The following BRAF variants were observed in gnomAD, a reference collection of about 807,000 sequenced individuals.
The protein encoded by BRAF is serine/threonine-protein kinase B-raf.
A neutral mutation model predicts 104.6 loss-of-function variants in BRAF; 16 were observed. The ratio of observed to expected loss-of-function variants is 0.15; its 90% CI spans 0.10 to 0.23. The LOEUF (loss-of-function observed/expected upper bound fraction) is 0.23. BRAF is among the 10% of genes least tolerant of loss of function. BRAF has a pLI of 1.00. For synonymous variants in BRAF, 310 were observed against 341.6 expected, an observed-to-expected ratio of 0.91 and a Z score of 1.02; for missense variants, 541 against 937.3, an observed-to-expected ratio of 0.58 and a Z score of 5.52.
chr7:140,841,217 T>TA (rs1326722228), intron 2 of BRAF, among the ~76,000 whole-genome samples: 1 of 152,012 alleles, frequency 6.6e-6, no homozygotes, highest in Non-Finnish European at 1.5e-5. Flanking sequence ...TGGCTTTAAT[T>TA]AAAAAAACAA....
At chr7:140,807,895 TA>T in intron 5 of BRAF, 64 bp downstream of exon 5, 2 of 1,331,280 alleles carry the variant, frequency 1.5e-6, no homozygotes, top group South Asian at 1.2e-5. Context: ...ATTCCCTAAA[TA>T]AAAATTCATT....
At chr7:140,862,814 A>G (rs930111723) in intron 1 of BRAF, among the ~76,000 whole-genome samples, 1 of 152,116 alleles carries the variant, frequency 6.6e-6, no homozygotes, top group Non-Finnish European at 1.5e-5. Flanking sequence ...TGGCTATACA[A>G]CTCTATGAAT....
intron 14 of BRAF, among the ~76,000 whole-genome samples, chr7:140,762,676 A>G (rs1798870302): frequency 6.8e-6 from 1 of 146,948 alleles, no homozygotes; most frequent in Non-Finnish European, 1.5e-5. Context: ...GCAGGGTCAT[A>G]GGACAATAGT....
chr7:140,830,588 A>G (rs1386931212), intron 3 of BRAF, among the ~76,000 whole-genome samples: 1 of 152,160 alleles, frequency 6.6e-6, no homozygotes, highest in Non-Finnish European at 1.5e-5. Flanking sequence ...GGGTTCCTGA[A>G]TGGAAGGTGG....
At chr7:140,915,432 CTTT>C (rs1014572413) in intron 1 of BRAF, among the ~76,000 whole-genome samples, 10 of 141,660 alleles carry the variant, frequency 7.1e-5, no homozygotes, top group Admixed American at 7.1e-5. Flanking sequence ...ATTAAAGTAT[CTTT>C]TTTTTTTTTT....
At chr7:140,890,036 T>C (rs1272433140) in intron 1 of BRAF, among the ~76,000 whole-genome samples, 1 of 152,198 alleles carries the variant, frequency 6.6e-6, no homozygotes, top group African/African-American at 2.4e-5. Flanking sequence ...GGCATAGCAG[T>C]TAAGAGTACA....
intron 19 of BRAF, chr7:140,726,623 T>C (rs1214329171): frequency 9.9e-7 from 1 of 1,011,954 alleles, no homozygotes; most frequent in African/African-American, 1.6e-5. Flanking sequence ...GTTATATATT[T>C]CAAGTCTAGC....
rs879906460 is a variant in BRAF at position 140,724,984 on chromosome 7, C to A, written c.*1510G>T. The A allele has an allele frequency of 1.4e-5, 15 of 1,044,390 alleles. No homozygotes were observed. The highest frequency in any genetic ancestry group is 1.7e-5 in the Non-Finnish European group (15 of 866,174). The allele number at this position is 1,044,390 out of a possible 1,614,324, so 64.7% of individuals were successfully genotyped here. A position where few individuals can be genotyped will look rare whatever the true frequency, so the allele number is the denominator to read the frequency against. On this transcript the variant is annotated 3_prime_UTR_variant, in exon 20 of 20. Transcript: ENST00000644969. ...ATAAGATTTAGGTTCTTAATGAATG[C>A]CAGTTCTTTCTATAAAAACAACTGA...
chr7:140,849,477 C>G (rs940691134), intron 2 of BRAF, among the ~76,000 whole-genome samples: 2 of 150,706 alleles, frequency 1.3e-5, no homozygotes, highest in Admixed American at 1.3e-4. Context: ...AATATGGTAA[C>G]TGGTTTGCTG....
chr7:140,888,413 AT>A (rs112202817), intron 1 of BRAF, among the ~76,000 whole-genome samples: 45,377 of 151,858 alleles, frequency 0.3, 10,799 homozygotes, highest in African/African-American at 0.67. Context: ...GTGACTTAAA[AT>A]TAATTCCTAC....
intron 19 of BRAF, chr7:140,733,458 T>C (rs1020366922): frequency 2.1e-4 from 32 of 152,332 alleles, no homozygotes; most frequent in African/African-American, 7.2e-4. Context: ...CTACTTTTGA[T>C]TCCCTCTGAA....
intron 2 of BRAF, among the ~76,000 whole-genome samples, chr7:140,845,212 T>C (rs763929780): frequency 2.2e-4 from 33 of 152,158 alleles, no homozygotes; most frequent in Non-Finnish European, 4.4e-4. Flanking sequence ...AGAACGAAGT[T>C]GGACCCTTAC....
chr7:140,766,300 C>T (rs201865808), intron 14 of BRAF, among the ~76,000 whole-genome samples: 2 of 150,948 alleles, frequency 1.3e-5, no homozygotes, highest in Non-Finnish European at 2.9e-5. Context: ...TGGGGTGGGG[C>T]AGGGGGGAGG....
At chr7:140,832,507 G>C (rs1207859331) in intron 3 of BRAF, among the ~76,000 whole-genome samples, 1 of 152,046 alleles carries the variant, frequency 6.6e-6, no homozygotes, top group African/African-American at 2.4e-5. Flanking sequence ...TTAAGAAAAG[G>C]GTTAACAGAT....
At position 140,874,045 on chromosome 7, in the gene BRAF, T is replaced by C. The variant is rs575251905; in HGVS notation, c.139-23833A>G. Among the ~76,000 whole-genome samples the C allele has an allele frequency of 1.1e-4, 16 of 151,998 alleles. No individual in the cohort carries two copies. In the South Asian group the frequency reaches 1.5e-3, roughly 14 times the overall value. On this transcript the variant is annotated intron_variant, in intron 1 of 19. Coordinates refer to ENST00000644969, the MANE Select transcript of BRAF (RefSeq NM_001374258.1). ...TAGTAGTCACACATTACGGGGGTGG[T>C]GGGAACACACTTCAAAGATTTAGTC...
chr7:140,767,207 T>C (rs532634011), intron 14 of BRAF, among the ~76,000 whole-genome samples: 20 of 152,198 alleles, frequency 1.3e-4, no homozygotes, highest in African/African-American at 4.8e-4. Context: ...TTCCACTATG[T>C]TGCTCAGTCT....
intron 1 of BRAF, among the ~76,000 whole-genome samples, chr7:140,901,517 G>A (rs1420025124): frequency 6.6e-6 from 1 of 152,176 alleles, no homozygotes; most frequent in African/African-American, 2.4e-5. Flanking sequence ...GTTGAATCAG[G>A]TTGTTAGGTT....
intron 12 of BRAF, chr7:140,781,216 C>G (rs1408627499): frequency 6.9e-6 from 2 of 289,010 alleles, no homozygotes; most frequent in African/African-American, 4.5e-5. Flanking sequence ...CAGGCATAAG[C>G]CACTGCGCCC....
downstream of BRAF, among the ~76,000 whole-genome samples, chr7:140,717,526 C>T (rs1429674912): frequency 3.7e-4 from 56 of 152,140 alleles, no homozygotes; most frequent in Non-Finnish European, 5.9e-5. Context: ...GGGATTTAGG[C>T]GTGAGCCATT....
Sources: gnomAD v4.1 joint callset for allele counts (sites outside exome capture counted in the v4.1 genomes callset) on GRCh38, gnomAD v4.1.1 for gene constraint, MANE v1.5 for transcripts, NCBI Gene and HGNC (gene_info 2026-07-23, HGNC 2026-07-21) for gene names.